The following PLEKHA2 variants were observed in gnomAD, a reference collection of about 807,000 sequenced individuals.
PLEKHA2 encodes the protein pleckstrin homology domain-containing family A member 2.
Under a neutral mutation model 53.2 loss-of-function variants are expected in PLEKHA2, and 28 were observed. The observed-to-expected ratio is 0.53, with a 90% confidence interval of 0.39 to 0.72. The LOEUF (loss-of-function observed/expected upper bound fraction) is 0.72, where lower values mean the gene tolerates loss of function less well. Among genes scored for constraint, PLEKHA2 ranks in the 30% least tolerant of loss-of-function variants. The probability of loss-of-function intolerance (pLI) is 0.00; values close to 1 mark genes in which losing one functional copy is unlikely to be tolerated. For synonymous variants in PLEKHA2, 193 were observed against 196.4 expected (o/e 0.98, Z 0.14); for missense variants, 426 against 537.9 (o/e 0.79, Z 2.06).
chr8:38,957,845 G>A (rs937015640), intron 10 of PLEKHA2, among the ~76,000 whole-genome samples: 2 of 152,288 alleles, frequency 1.3e-5, no homozygotes, highest in East Asian at 3.9e-4. Flanking sequence ...CACTTATCAG[G>A]AGCTTCTCCC....
chr8:38,963,262 A>C (rs1199776202), intron 10 of PLEKHA2, among the ~76,000 whole-genome samples: 3 of 152,244 alleles, frequency 2.0e-5, no homozygotes, highest in Admixed American at 2.0e-4. Flanking sequence ...ACCGAGCACC[A>C]GAAACAGGTG....
In PLEKHA2 at chr8:38,901,419, C is replaced by T. The variant is rs867212797; in HGVS notation, c.-50C>T. 3.4e-5 allele frequency: 4 copies of T among 116,798 alleles called. No homozygotes were observed. The highest frequency in any genetic ancestry group is 7.4e-5 in the Non-Finnish European group (4 of 54,270). 7.2% of individuals were successfully genotyped at this position (116,798 alleles called of 1,614,324 possible). A position where few individuals can be genotyped will look rare whatever the true frequency, so the allele number is the denominator to read the frequency against. On this transcript the variant is annotated 5_prime_UTR_variant, in exon 1 of 12. Transcript: ENST00000617275. ...ACCCCGCCCGATGTAACGCGCCCCG[C>T]CCGAGCCCCGGCCCCTGCACGGGGG...
At chr8:38,966,784 A>G (rs1345317939) in intron 10 of PLEKHA2, among the ~76,000 whole-genome samples, 1 of 152,114 alleles carries the variant, frequency 6.6e-6, no homozygotes, top group East Asian at 1.9e-4. Flanking sequence ...CACAATAGCA[A>G]AGTCACAACT....
At chr8:38,908,343 C>T (rs963877817) in intron 1 of PLEKHA2, among the ~76,000 whole-genome samples, 10 of 152,160 alleles carry the variant, frequency 6.6e-5, no homozygotes, top group African/African-American at 1.7e-4. Context: ...AGATATCTGG[C>T]TCTTGGATGA....
chr8:38,924,820 G>C (rs2129416924), intron 2 of PLEKHA2, among the ~76,000 whole-genome samples: 1 of 152,340 alleles, frequency 6.6e-6, no homozygotes, highest in African/African-American at 2.4e-5. Context: ...ATGTCTGGCA[G>C]AATTTAGAAT....
At chr8:38,923,742 G>C (rs1179648401) in intron 2 of PLEKHA2, among the ~76,000 whole-genome samples, 1 of 152,166 alleles carries the variant, frequency 6.6e-6, no homozygotes, top group African/African-American at 2.4e-5. Flanking sequence ...CCTTCATAGA[G>C]GAGGTGTCAC....
At position 38,917,906 on chromosome 8, in the gene PLEKHA2, G is replaced by A. The variant is rs1214312399; in HGVS notation, c.-23-1G>A. On this transcript the variant is annotated splice_acceptor_variant, in intron 1 of 11. Transcript: ENST00000617275. LOFTEE classifies it low-confidence loss of function (5UTR_SPLICE). ...CATCAGCACCTCCCTCCTGCGCGCA[G>A]GGTGATGTGAGCAGAGCCCAGGAAT... 1.9e-6 allele frequency: 3 copies of A among 1,612,532 alleles called. No individual in the cohort carries two copies. The highest frequency in any genetic ancestry group is 1.1e-5 in the South Asian group (1 of 91,036).
At chr8:38,947,064 T>G (rs981876185) in intron 5 of PLEKHA2, among the ~76,000 whole-genome samples, 13 of 152,204 alleles carry the variant, frequency 8.5e-5, no homozygotes, top group Admixed American at 4.6e-4. Flanking sequence ...TATATAGTAT[T>G]CATATTGCTA....
intron 1 of PLEKHA2, among the ~76,000 whole-genome samples, chr8:38,909,679 T>C (rs888274574): frequency 2.0e-5 from 3 of 152,154 alleles, no homozygotes; most frequent in African/African-American, 7.2e-5. Flanking sequence ...GTGCCCCCCA[T>C]TTCATTCTCT....
chr8:38,947,197 G>A (rs1834731599), intron 5 of PLEKHA2, among the ~76,000 whole-genome samples: 1 of 152,164 alleles, frequency 6.6e-6, no homozygotes, highest in African/African-American at 2.4e-5. Flanking sequence ...TGGATGGCTG[G>A]GTGCAGTGGC....
intron 5 of PLEKHA2, among the ~76,000 whole-genome samples, chr8:38,949,499 C>T (rs1246112833): frequency 1.3e-5 from 2 of 152,194 alleles, no homozygotes; most frequent in African/African-American, 4.8e-5. Flanking sequence ...TTAAAAAATA[C>T]TGCATGTGAC....
intron 2 of PLEKHA2, among the ~76,000 whole-genome samples, chr8:38,935,431 T>C (rs1834475689): frequency 7.8e-6 from 1 of 128,822 alleles, no homozygotes; most frequent in Non-Finnish European, 1.6e-5. Context: ...GAGCTTACAC[T>C]TTTTTTTTTT....
intron 10 of PLEKHA2, among the ~76,000 whole-genome samples, chr8:38,961,487 A>G (rs1423279056): frequency 2.0e-5 from 3 of 151,826 alleles, no homozygotes; most frequent in Non-Finnish European, 4.4e-5. Context: ...CAGTGAGCCG[A>G]GATCACACCA....
chr8:38,950,774 G>A, intron 5 of PLEKHA2, 76 bp from the exon 6 acceptor site: 2 of 1,537,592 alleles, frequency 1.3e-6, no homozygotes, highest in East Asian at 2.3e-5. Context: ...TCTCACGGCA[G>A]CCCCATTCTG....
At chr8:38,935,937 C>G (rs186355878) in intron 2 of PLEKHA2, 57 bp from the exon 3 acceptor site, 1 of 1,548,788 alleles carries the variant, frequency 6.5e-7, no homozygotes, top group East Asian at 2.3e-5. Context: ...TCTTGGTCTT[C>G]TGTCTCTTGG....
intron 1 of PLEKHA2, among the ~76,000 whole-genome samples, chr8:38,909,428 A>T (rs1262981056): frequency 6.7e-6 from 1 of 148,184 alleles, no homozygotes; most frequent in Non-Finnish European, 1.5e-5. Flanking sequence ...AGTAGACAAC[A>T]TCTGTTTTAA....
Position 38,969,446 on chromosome 8 carries a change from C to T in PLEKHA2, c.941C>T (p.Ser314Phe), listed in dbSNP as rs1234399290. 6.2e-7 allele frequency: 1 copy of T among 1,613,050 alleles called. No individual in the cohort carries two copies. The highest frequency in any genetic ancestry group is 8.5e-7 in the Non-Finnish European group (1 of 1,179,710). ...GAAACGTCCTTTTCTAGATCCATTT[C>T]TTTGACCCGACCTGGAAGCTCCAGC... Reference protein sequence around the residue: ...PRETSFSRSISLTRPGSSSLS... With the variant: ...PRETSFSRSIFLTRPGSSSLS... Residue 314 changes from serine (S) to phenylalanine (F), a missense_variant, in exon 12 of 12, where the codon TCT becomes TTT. Physicochemically the swap from Ser to Phe is radical, Grantham distance 155 (BLOSUM62 -2). Transcript: ENST00000617275.
intron 2 of PLEKHA2, among the ~76,000 whole-genome samples, chr8:38,935,517 CCAG>C (rs1834477825): frequency 6.6e-6 from 1 of 151,654 alleles, no homozygotes; most frequent in South Asian, 2.1e-4. Context: ...CTCCTGGGCT[CCAG>C]CAGTCCTGCC....
chr8:38,944,866 A>T (rs1834680467), intron 4 of PLEKHA2, among the ~76,000 whole-genome samples: 1 of 152,216 alleles, frequency 6.6e-6, no homozygotes, highest in Non-Finnish European at 1.5e-5. Context: ...AGTTTTCTTG[A>T]TGCCACAAGG....
Sources: gnomAD v4.1 joint callset for allele counts (sites outside exome capture counted in the v4.1 genomes callset) on GRCh38, gnomAD v4.1.1 for gene constraint, MANE v1.5 for transcripts, NCBI Gene and HGNC (gene_info 2026-07-23, HGNC 2026-07-21) for gene names.